EYS: variants seen among roughly 807,000 people sequenced by gnomAD.
EYS encodes protein eyes shut homolog.
In EYS, 250 loss-of-function variants were observed where a neutral mutation model predicts 282.1. The ratio of observed to expected loss-of-function variants is 0.89; its 90% confidence interval spans 0.80 to 0.98. EYS has a LOEUF of 0.98. Ranked by LOEUF, EYS falls within the 50% of genes least tolerant of loss-of-function variation. The pLI is 0.00. For missense variants in EYS, 4,016 were observed against 3,709.0 expected (o/e 1.08, Z -2.15); for synonymous variants, 1,355 against 1,282.9 (o/e 1.06, Z -1.20).
intron 22 of EYS, among the ~76,000 whole-genome samples, chr6:64,783,921 A>T (rs1010392001): frequency 2.0e-5 from 3 of 152,156 alleles, no homozygotes; most frequent in Non-Finnish European, 4.4e-5. Context: ...TAGAGACAGA[A>T]AGTCTTCTTT....
At chr6:63,727,737 A>AAATAT (rs1554164607) in intron 41 of EYS, among the ~76,000 whole-genome samples, 3 of 36,732 alleles carry the variant, frequency 8.2e-5, no homozygotes, top group Non-Finnish European at 1.3e-4. Context: ...AAAAAAAAAA[A>AAATAT]ATATATATAT....
chr6:63,961,228 T>A (rs1766043363), intron 35 of EYS, among the ~76,000 whole-genome samples: 1 of 152,128 alleles, frequency 6.6e-6, no homozygotes, highest in African/African-American at 2.4e-5. Context: ...AGCCATCATA[T>A]CCCCTGTGAC....
intron 14 of EYS, among the ~76,000 whole-genome samples, chr6:64,987,882 T>TGG (rs1014585401): frequency 6.6e-6 from 1 of 151,596 alleles, no homozygotes; most frequent in African/African-American, 2.4e-5. Context: ...CACATGTATG[T>TGG]GTAAATTCAT....
intron 29 of EYS, among the ~76,000 whole-genome samples, chr6:64,337,704 G>A (rs538449931): frequency 6.6e-6 from 1 of 152,092 alleles, no homozygotes; most frequent in Admixed American, 6.6e-5. Context: ...CAATATCCCT[G>A]ACGAATACAG....
intron 19 of EYS, among the ~76,000 whole-genome samples, chr6:64,838,197 T>C (rs1331485824): frequency 6.6e-6 from 1 of 151,942 alleles, no homozygotes; most frequent in African/African-American, 2.4e-5. Context: ...AAATATAGCA[T>C]AGTTTGGGAT....
At chr6:65,175,832 C>A (rs993501101) in intron 12 of EYS, among the ~76,000 whole-genome samples, 3 of 151,346 alleles carry the variant, frequency 2.0e-5, no homozygotes, top group African/African-American at 7.3e-5. Flanking sequence ...AGAACCATAA[C>A]CTTTGTAGAA....
chr6:64,779,650 A>C (rs1773796926), intron 22 of EYS, among the ~76,000 whole-genome samples: 1 of 152,170 alleles, frequency 6.6e-6, no homozygotes, highest in Non-Finnish European at 1.5e-5. Context: ...AGTTAACAAT[A>C]ATGTACCAAA....
chr6:64,778,339 A>G (rs562459148), intron 22 of EYS, among the ~76,000 whole-genome samples: 1 of 152,350 alleles, frequency 6.6e-6, no homozygotes, highest in African/African-American at 2.4e-5. Context: ...CAGCATCCAA[A>G]GAAATCTGCA....
intron 41 of EYS, among the ~76,000 whole-genome samples, chr6:63,755,410 T>C (rs1340795834): frequency 6.6e-6 from 1 of 152,206 alleles, no homozygotes; most frequent in Non-Finnish European, 1.5e-5. Context: ...TGCTTGTTTT[T>C]GTCAGGTTTG....
chr6:64,419,059 T>C (rs1774145157), intron 28 of EYS, among the ~76,000 whole-genome samples: 1 of 152,164 alleles, frequency 6.6e-6, no homozygotes, highest in Non-Finnish European at 1.5e-5. Context: ...AATTTAAATA[T>C]TCGCTATGGC....
At chr6:64,338,815 C>G (rs1770966848) in intron 29 of EYS, among the ~76,000 whole-genome samples, 1 of 151,724 alleles carries the variant, frequency 6.6e-6, no homozygotes, top group Non-Finnish European at 1.5e-5. Context: ...AATAGACAAC[C>G]CAGAAATAAA....
At chr6:64,125,648 T>C (rs1773755516) in intron 31 of EYS, among the ~76,000 whole-genome samples, 1 of 151,528 alleles carries the variant, frequency 6.6e-6, no homozygotes, top group South Asian at 2.1e-4. Context: ...TAGCCGGGCG[T>C]GGTGGTGGGC....
chr6:64,680,550 C>CA, intron 22 of EYS, among the ~76,000 whole-genome samples: 1 of 152,228 alleles, frequency 6.6e-6, no homozygotes, highest in South Asian at 2.1e-4. Context: ...TATTGTATCT[C>CA]ACTGGAAATG....
At chr6:64,574,023 A>G (rs1441750211) in intron 26 of EYS, among the ~76,000 whole-genome samples, 1 of 152,162 alleles carries the variant, frequency 6.6e-6, no homozygotes, top group Non-Finnish European at 1.5e-5. Context: ...CTTGAAACCA[A>G]CCCAAATGCC....
intron 30 of EYS, among the ~76,000 whole-genome samples, chr6:64,277,062 T>C (rs1419474993): frequency 6.6e-6 from 1 of 152,140 alleles, no homozygotes; most frequent in Non-Finnish European, 1.5e-5. Flanking sequence ...TCTATGACCA[T>C]GGCTGTCACC....
At chr6:65,163,783 A>G (rs1026433012) in intron 12 of EYS, among the ~76,000 whole-genome samples, 3 of 151,302 alleles carry the variant, frequency 2.0e-5, no homozygotes, top group Non-Finnish European at 4.4e-5. Context: ...ATAAAGTTCA[A>G]ATGACATGGT....
At chr6:63,789,328 G>A in intron 37 of EYS, 104 bp from the exon 38 acceptor site, 1 of 1,100,664 alleles carries the variant, frequency 9.1e-7, no homozygotes, top group Non-Finnish European at 1.3e-6. Context: ...AGTATGGTAA[G>A]TTATAATACA....
chr6:64,566,193 G>T (rs533199199), intron 26 of EYS, among the ~76,000 whole-genome samples: 2 of 152,206 alleles, frequency 1.3e-5, no homozygotes, highest in Admixed American at 1.3e-4. Flanking sequence ...TAGTGGTTTA[G>T]TTTACCTTAT....
At chr6:64,727,583 A>C (rs1464960331) in intron 22 of EYS, among the ~76,000 whole-genome samples, 1 of 152,178 alleles carries the variant, frequency 6.6e-6, no homozygotes, top group African/African-American at 2.4e-5. Flanking sequence ...CGGAAAAACA[A>C]TCCTTGAATT....
Sources: gnomAD v4.1 joint callset for allele counts (sites outside exome capture counted in the v4.1 genomes callset) on GRCh38, gnomAD v4.1.1 for gene constraint, MANE v1.5 for transcripts, NCBI Gene and HGNC (gene_info 2026-07-23, HGNC 2026-07-21) for gene names.